The following CENPI variants were observed in gnomAD, a reference collection of about 807,000 sequenced individuals.
CENPI encodes centromere protein I, also known as FSH primary response 1.
Under a neutral mutation model 60.4 loss-of-function variants are expected in CENPI, and 4 were observed. That is an observed-to-expected ratio of 0.07 (90% CI 0.03 to 0.15). The LOEUF (loss-of-function observed/expected upper bound fraction) is 0.15, where lower values mean the gene tolerates loss of function less well. Among genes scored for constraint, CENPI ranks in the 10% least tolerant of loss-of-function variants. The probability of loss-of-function intolerance (pLI) is 1.00; values close to 1 mark genes in which losing one functional copy is unlikely to be tolerated. For missense variants in CENPI, 444 were observed against 534.5 expected (o/e 0.83, Z 1.67); for synonymous variants, 157 against 189.4 (o/e 0.83, Z 1.40).
intron 13 of CENPI, among the ~76,000 whole-genome samples, chrX:101,130,594 G>A (rs2089786104): frequency 8.9e-6 from 1 of 112,583 alleles, no homozygotes; most frequent in Non-Finnish European, 1.9e-5. Context: ...AAAGGGAAAA[G>A]CCTGTAATTT....
intron 8 of CENPI, among the ~76,000 whole-genome samples, chrX:101,121,828 A>C (rs1193045885): frequency 1.4e-5 from 1 of 69,184 alleles, no homozygotes; most frequent in African/African-American, 6.0e-5. Flanking sequence ...TTTGAGATGG[A>C]GTTTACCTCT....
intron 6 of CENPI, among the ~76,000 whole-genome samples, chrX:101,119,088 G>A (rs2089650737): frequency 9.0e-6 from 1 of 111,429 alleles, no homozygotes; most frequent in African/African-American, 3.3e-5. Context: ...GCTGAGGTAG[G>A]AGAATCGCTT....
At chrX:101,173,216 A>G in the CENPI span, among the ~76,000 whole-genome samples, 3 of 106,195 alleles carry the variant, frequency 2.8e-5, no homozygotes, top group East Asian at 8.8e-4. Flanking sequence ...GGGTTTCACC[A>G]TGTTGGCCAG....
downstream of CENPI, among the ~76,000 whole-genome samples, chrX:101,169,698 T>C (rs760419337): frequency 3.0e-4 from 33 of 111,861 alleles, no homozygotes; most frequent in African/African-American, 1.1e-3. Context: ...GAAGAAAGCA[T>C]TGTTATCATC....
intron 15 of CENPI, 45 bp downstream of exon 15, chrX:101,132,501 C>G: frequency 1.9e-6 from 2 of 1,033,603 alleles, no homozygotes; most frequent in Non-Finnish European, 2.7e-6. Context: ...ATGTATTATT[C>G]TATTGCTAGT....
At chrX:101,130,512 A>C (rs1021695938) in intron 13 of CENPI, among the ~76,000 whole-genome samples, 2 of 112,272 alleles carry the variant, frequency 1.8e-5, no homozygotes, top group Non-Finnish European at 3.8e-5. Flanking sequence ...TTTGAAGCTC[A>C]TTATAGATAA....
intron 18 of CENPI, among the ~76,000 whole-genome samples, chrX:101,147,182 A>G (rs1000889541): frequency 4.5e-5 from 5 of 111,389 alleles, no homozygotes; most frequent in Non-Finnish European, 9.4e-5. Flanking sequence ...AACATGTTCT[A>G]TATCAGTGAC....
chrX:101,123,267 C>T (rs1268537952), intron 8 of CENPI, among the ~76,000 whole-genome samples: 2 of 111,989 alleles, frequency 1.8e-5, no homozygotes, highest in African/African-American at 6.5e-5. Context: ...GCATATATCC[C>T]GTCTATCCCC....
At chrX:101,149,118 A>G (rs377453957) in intron 20 of CENPI, among the ~76,000 whole-genome samples, 1 of 112,103 alleles carries the variant, frequency 8.9e-6, no homozygotes, top group East Asian at 2.8e-4. Flanking sequence ...AAGCACGAAC[A>G]TGAGCTTGTC....
At chrX:101,160,180 G>A (rs1302642005) in intron 20 of CENPI, among the ~76,000 whole-genome samples, 4 of 111,175 alleles carry the variant, frequency 3.6e-5, no homozygotes, top group African/African-American at 6.5e-5. Flanking sequence ...AGACTTTGCA[G>A]GATGGATGTC....
At chrX:101,160,417 G>C (rs980238190) in intron 20 of CENPI, among the ~76,000 whole-genome samples, 27 of 84,112 alleles carry the variant, frequency 3.2e-4, no homozygotes, top group Non-Finnish European at 4.9e-4. Context: ...GTCTTGCTCT[G>C]TTGCCCAGGC....
chrX:101,133,637 G>A lies in CENPI; in HGVS notation c.1470+1181G>A, dbSNP rs774913966. 6.4e-5 allele frequency among the ~76,000 whole-genome samples: 7 copies of A among 109,443 alleles called. No individual in the cohort carries two copies. The South Asian group carries it at 2.7e-3, about 43-fold the overall frequency. ...ATTTAATTCTCAGGCCAAGAAGGAGGACAGTCTAAAGGAATCTTAAGAAAT... is the reference window on the plus strand; with the variant it reads ...ATTTAATTCTCAGGCCAAGAAGGAGAACAGTCTAAAGGAATCTTAAGAAAT... On this transcript the variant is annotated intron_variant, in intron 15 of 21. Coordinates refer to ENST00000682095, the MANE Select transcript of CENPI (RefSeq NM_001386188.2).
intron 6 of CENPI, among the ~76,000 whole-genome samples, chrX:101,110,860 TA>T (rs2089546527): frequency 2.7e-5 from 3 of 111,949 alleles, no homozygotes; most frequent in Admixed American, 1.9e-4. Flanking sequence ...AATGATTAGT[TA>T]AAACACCATA....
chrX:101,107,834 A>G (rs67007763), intron 4 of CENPI, among the ~76,000 whole-genome samples: 2,052 of 54,686 alleles, frequency 0.038, 75 homozygotes, highest in African/African-American at 0.13. Flanking sequence ...ACACTTGGCT[A>G]ATTTTTTTTT....
chrX:101,177,507 G>T, the CENPI span, among the ~76,000 whole-genome samples: 12 of 111,881 alleles, frequency 1.1e-4, no homozygotes, highest in Non-Finnish European at 3.8e-5. Flanking sequence ...AGTTCCCCAG[G>T]TGGTGCATTT....
chrX:101,155,407 C>T (rs962729935), intron 20 of CENPI, among the ~76,000 whole-genome samples: 1 of 111,373 alleles, frequency 9.0e-6, no homozygotes, highest in African/African-American at 3.3e-5. Context: ...CCAGGCTGGT[C>T]TCAAACTCCT....
At chrX:101,128,892 G>A in intron 12 of CENPI, 56 bp downstream of exon 12, 1 of 1,095,697 alleles carries the variant, frequency 9.1e-7, no homozygotes, top group East Asian at 3.1e-5. Flanking sequence ...TCTTTTATAA[G>A]GGTGCCAAAT....
At chrX:101,102,772 C>T (rs1294271872) in intron 4 of CENPI, among the ~76,000 whole-genome samples, 2 of 108,674 alleles carry the variant, frequency 1.8e-5, no homozygotes, top group African/African-American at 3.4e-5. Flanking sequence ...CTCTGCCTCT[C>T]GGGTTCAAGC....
chrX:101,158,877 C>T (rs1359098370), intron 20 of CENPI, among the ~76,000 whole-genome samples: 3 of 108,169 alleles, frequency 2.8e-5, no homozygotes, highest in Non-Finnish European at 5.8e-5. Context: ...GCGATCCACC[C>T]GCCTCGGCCT....
Sources: gnomAD v4.1 joint callset for allele counts (sites outside exome capture counted in the v4.1 genomes callset) on GRCh38, gnomAD v4.1.1 for gene constraint, MANE v1.5 for transcripts, NCBI Gene and HGNC (gene_info 2026-07-23, HGNC 2026-07-21) for gene names.